Variants in OR1I1 observed in about 807,000 individuals in gnomAD.
The protein encoded by OR1I1 is olfactory receptor family 1 subfamily I member 1.
For synonymous variants in OR1I1, 171 were observed against 181.4 expected (o/e 0.94, Z 0.46); for missense variants, 451 against 443.6 (o/e 1.02, Z -0.15).
intron 1 of OR1I1, among the ~76,000 whole-genome samples, chr19:15,085,176 A>ATATATATATATATGTTTT (rs1555717400): frequency 1.0e-4 from 8 of 80,124 alleles, no homozygotes; most frequent in East Asian, 4.8e-4. Flanking sequence ...ATATATATAT[A>ATATATATATATATGTTTT]TTTTTTTTTT....
intron 1 of OR1I1, among the ~76,000 whole-genome samples, chr19:15,085,143 TATATATATATATATATATATATATATATA>T (rs1466041185): frequency 4.1e-5 from 1 of 24,496 alleles, no homozygotes; most frequent in African/African-American, 3.1e-4. Flanking sequence ...TATATATATA[TATATATATATATATATATATATATATATA>T]TATATTTTTT....
At position 15,088,802 on chromosome 19, in the gene OR1I1, T is replaced by TAGATAGATAGATAGGC; in HGVS notation, c.*683_*684insGCAGATAGATAGATAG. On this transcript the variant is annotated 3_prime_UTR_variant, in exon 2 of 2. Coordinates refer to ENST00000641398, the MANE Select transcript of OR1I1 (RefSeq NM_001004713.2). Reference sequence around the variant, plus strand: ...ATAGATAGATAGATAGATAGATAGATAGATAGATAGATAGATAGATATACA... The same window carrying TAGATAGATAGATAGGC: ...ATAGATAGATAGATAGATAGATAGATAGATAGATAGATAGGCAGATAGATAGATAGATAGATATACA... 7.6e-6 allele frequency: 1 copy of TAGATAGATAGATAGGC among 132,164 alleles called. No individual in the cohort carries two copies. Among genetic ancestry groups the TAGATAGATAGATAGGC allele is most frequent in the Non-Finnish European group, 1.6e-5 (1 of 61,400 alleles). 8.2% of individuals were successfully genotyped at this position (132,164 alleles called of 1,614,324 possible). A position where few individuals can be genotyped will look rare whatever the true frequency, so the allele number is the denominator to read the frequency against.
rs752036507 is a variant in OR1I1 at position 15,087,572 on chromosome 19, C to T, written c.507C>T (p.Cys169=). Residue 169 remains cysteine (C), a synonymous_variant, in exon 2 of 2, where the codon TGC becomes TGT. Transcript: ENST00000641398. ...GCCTCATGGCTCAACTGACCTTCTG[C>T]GCCGGCTCTGAAATCTCCCACTTCT... ...HTCLMAQLTF[C]AGSEISHFFC... 3.1e-6 allele frequency: 5 copies of T among 1,613,986 alleles called. No homozygotes were observed. The highest frequency in any genetic ancestry group is 1.3e-5 in the African/African-American group (1 of 75,060).
In OR1I1 at chr19:15,088,802, T is replaced by TAGATAGATAGAC. The variant is rs1555717782; in HGVS notation, c.*680_*681insCAGATAGATAGA. 10,981 of 132,178 alleles carry TAGATAGATAGAC rather than the reference T, an allele frequency of 0.083. 590 individuals are homozygous for TAGATAGATAGAC. The highest frequency in any genetic ancestry group is 0.11 in the Non-Finnish European group (6,651 of 61,334). 8.2% of individuals were successfully genotyped at this position (132,178 alleles called of 1,614,324 possible). ...ATAGATAGATAGATAGATAGATAGA[T>TAGATAGATAGAC]AGATAGATAGATAGATAGATATACA... On this transcript the variant is annotated 3_prime_UTR_variant, in exon 2 of 2. Transcript: ENST00000641398.
Position 15,087,997 on chromosome 19 carries a change from C to T in OR1I1, c.932C>T (p.Pro311Leu). ...LGKLIGKVAV[P>L]CPRPEQLLDV... ...AAGCTCATCGGCAAAGTGGCCGTCC[C>T]CTGTCCTAGGCCAGAACAGTTATTG... Residue 311 changes from proline to leucine, a missense_variant, in exon 2 of 2, where the codon CCC becomes CTC. Coordinates refer to ENST00000641398, the MANE Select transcript of OR1I1 (RefSeq NM_001004713.2). 1 of 1,614,148 alleles carries T rather than the reference C, an allele frequency of 6.2e-7. No individual in the cohort carries two copies. The highest frequency in any genetic ancestry group is 8.5e-7 in the Non-Finnish European group (1 of 1,180,004).
In OR1I1 at chr19:15,087,076, A is replaced by T. The variant is rs1397192061; in HGVS notation, c.11A>T (p.Glu4Val). 2 of 1,611,180 alleles carry T rather than the reference A, an allele frequency of 1.2e-6. No homozygotes were observed. The highest frequency in any genetic ancestry group is 4.5e-5 in the East Asian group (2 of 44,882). ...AGTCACAGACCATACATGGAACCAGAAAAGCAAACCGAAATCTCAGAATTC... is the reference window on the plus strand; with the variant it reads ...AGTCACAGACCATACATGGAACCAGTAAAGCAAACCGAAATCTCAGAATTC... Reference protein sequence around the residue: MEPEKQTEISEFFL... With the variant: MEPVKQTEISEFFL... Residue 4 changes from glutamate (E) to valine (V), a missense_variant, in exon 2 of 2, where the codon GAA becomes GTA. Coordinates refer to ENST00000641398, the MANE Select transcript of OR1I1 (RefSeq NM_001004713.2).
Position 15,088,796 on chromosome 19 carries a change from GATAGATAGATAGATAGATAGATAGATAT to G in OR1I1, c.*665_*692del. The G allele has an allele frequency of 9.5e-6, 1 of 105,234 alleles. No individual in the cohort carries two copies. Among genetic ancestry groups the G allele is most frequent in the African/African-American group, 3.1e-5 (1 of 31,952 alleles). 6.5% of individuals were successfully genotyped at this position (105,234 alleles called of 1,614,324 possible). On this transcript the variant is annotated 3_prime_UTR_variant, in exon 2 of 2. Coordinates refer to ENST00000641398, the MANE Select transcript of OR1I1 (RefSeq NM_001004713.2). ...ATGTAGATAGATAGATAGATAGATA[GATAGATAGATAGATAGATAGATAGATAT>G]ACAGATAGATACATAGATAGATAGG...
At chr19:15,083,492 T>A (rs939167617) in intron 1 of OR1I1, among the ~76,000 whole-genome samples, 1 of 152,190 alleles carries the variant, frequency 6.6e-6, no homozygotes, top group Admixed American at 6.5e-5. Flanking sequence ...AACTGAGGAC[T>A]GTTACAAATA....
intron 1 of OR1I1, among the ~76,000 whole-genome samples, chr19:15,082,787 G>A (rs988307066): frequency 7.9e-5 from 12 of 151,068 alleles, no homozygotes; most frequent in East Asian, 3.9e-4. Flanking sequence ...GGGAGGGGGC[G>A]GGGGGATTGT....
rs113447160 is a variant in OR1I1 at position 15,091,616 on chromosome 19, G to A, written c.*3483G>A. ...GGAGCTTGCAGTGAGCCAAGGCCAC[G>A]CCACTGCACCCCAGCCTGGGTGACA... On this transcript the variant is annotated 3_prime_UTR_variant, in exon 2 of 2. Coordinates refer to ENST00000641398, the MANE Select transcript of OR1I1 (RefSeq NM_001004713.2). The A allele has an allele frequency of 0.15, 21,934 of 150,614 alleles. 1,948 individuals are homozygous for A. Among genetic ancestry groups the A allele is most frequent in the South Asian group, 0.29 (1,387 of 4,744 alleles). The allele number at this position is 150,614 out of a possible 1,614,324, so 9.3% of individuals were successfully genotyped here.
chr19:15,083,957 T>TAG (rs2046219057), intron 1 of OR1I1, among the ~76,000 whole-genome samples: 1 of 151,972 alleles, frequency 6.6e-6, no homozygotes, highest in Non-Finnish European at 1.5e-5. Flanking sequence ...CACTGTACTC[T>TAG]AGCCTAGGTG....
intron 1 of OR1I1, among the ~76,000 whole-genome samples, chr19:15,083,544 G>GA (rs2046217515): frequency 6.6e-6 from 1 of 152,174 alleles, no homozygotes. Context: ...CCAGCCTAGA[G>GA]AAAACCAAGC....
intron 1 of OR1I1, among the ~76,000 whole-genome samples, chr19:15,084,695 C>A (rs1262503622): frequency 6.6e-6 from 1 of 151,844 alleles, no homozygotes; most frequent in Non-Finnish European, 1.5e-5. Flanking sequence ...CAAACCTGCA[C>A]GTCCTGCACG....
intron 1 of OR1I1, among the ~76,000 whole-genome samples, chr19:15,084,718 C>G (rs1437764233): frequency 1.3e-5 from 2 of 151,738 alleles, no homozygotes; most frequent in Non-Finnish European, 2.9e-5. Context: ...TATCCTGGAA[C>G]TTAAAATAAA....
chr19:15,082,968 C>T (rs2145300502), intron 1 of OR1I1, among the ~76,000 whole-genome samples: 1 of 152,156 alleles, frequency 6.6e-6, no homozygotes, highest in Admixed American at 6.6e-5. Flanking sequence ...TACCACCATG[C>T]CTGGCTAATT....
Position 15,085,133 on chromosome 19 carries a change from TA to T in OR1I1, c.-13-1919del, listed in dbSNP as rs2046223394. On this transcript the variant is annotated intron_variant, in intron 1 of 1. Coordinates refer to ENST00000641398, the MANE Select transcript of OR1I1 (RefSeq NM_001004713.2). ...GTATGTTCAATGCATTTTTGACTTA[TA>T]TATATATATATATATATATATATAT... is the stretch of plus-strand genomic sequence containing the variant. Among the ~76,000 whole-genome samples the T allele has an allele frequency of 1.7e-3, 19 of 11,150 alleles. 1 individual carries two copies. The highest frequency in any genetic ancestry group is 4.6e-3 in the South Asian group (1 of 218). 7.3% of individuals were successfully genotyped at this position (11,150 alleles called of 152,430 possible).
rs1253261208 is a variant in OR1I1 at position 15,085,130 on chromosome 19, T to TTTTATATA, written c.-13-1922_-13-1921insTTATATAT. ...TAGGTATGTTCAATGCATTTTTGAC[T>TTTTATATA]TATATATATATATATATATATATAT... On this transcript the variant is annotated intron_variant, in intron 1 of 1. Transcript: ENST00000641398. 4.2e-3 allele frequency among the ~76,000 whole-genome samples: 120 copies of TTTTATATA among 28,514 alleles called. 7 individuals are homozygous for TTTTATATA. The highest frequency in any genetic ancestry group is 0.018 in the East Asian group (12 of 656). 18.7% of individuals were successfully genotyped at this position (28,514 alleles called of 152,430 possible).
At position 15,092,828 on chromosome 19, in the gene OR1I1, C is replaced by T. The variant is rs77917932; in HGVS notation, c.*4695C>T. On this transcript the variant is annotated 3_prime_UTR_variant, in exon 2 of 2. Transcript: ENST00000641398. Reference sequence around the variant, plus strand: ...GTGGGCAACATAGTGAGACCTCCCCCATCTCTACAAAAATTTTTTAATTAG... The same window carrying T: ...GTGGGCAACATAGTGAGACCTCCCCTATCTCTACAAAAATTTTTTAATTAG... 1.3e-5 allele frequency: 2 copies of T among 151,916 alleles called. No individual in the cohort carries two copies. The highest frequency in any genetic ancestry group is 2.9e-5 in the Non-Finnish European group (2 of 67,982). 9.4% of individuals were successfully genotyped at this position (151,916 alleles called of 1,614,324 possible). A position where few individuals can be genotyped will look rare whatever the true frequency, so the allele number is the denominator to read the frequency against.
intron 1 of OR1I1, among the ~76,000 whole-genome samples, chr19:15,083,624 G>T (rs2046217769): frequency 1.3e-5 from 2 of 152,096 alleles, no homozygotes; most frequent in South Asian, 4.1e-4. Flanking sequence ...TTTGCTGAAG[G>T]CCTCTTGGGG....
Sources: allele counts gnomAD v4.1 joint callset (sites outside exome capture counted in the v4.1 genomes callset), GRCh38; gene constraint gnomAD v4.1.1; transcripts MANE v1.5; gene names NCBI Gene and HGNC (gene_info 2026-07-23, HGNC 2026-07-21).